Variants in COXFA4 observed in about 807,000 individuals in gnomAD.
The protein encoded by COXFA4 is cytochrome c oxidase associated subunit FA4.
chr7:10,933,165 C>T, the COXFA4 span: 7 of 160,832 alleles, frequency 4.4e-5, no homozygotes, highest in East Asian at 7.4e-4. Context: ...TTGTTAAAAA[C>T]TGCACACACT....
the COXFA4 span, chr7:10,932,163 GC>G: frequency 1.3e-5 from 2 of 152,162 alleles, no homozygotes; most frequent in East Asian, 1.9e-4. Flanking sequence ...GGGAAAGAGT[GC>G]TTTTTGTCTG....
At chr7:10,933,716 T>C in the COXFA4 span, 1 of 1,571,676 alleles carries the variant, frequency 6.4e-7, no homozygotes, top group African/African-American at 1.3e-5. Flanking sequence ...AAAAGATATT[T>C]TAAGTAATCT....
chr7:10,938,152 A>G, the COXFA4 span: 1 of 1,610,960 alleles, frequency 6.2e-7, no homozygotes, highest in African/African-American at 1.3e-5. Context: ...TCCCAACTAA[A>G]AGAAATAAAA....
At chr7:10,933,740 AC>A in the COXFA4 span, 1 of 1,343,278 alleles carries the variant, frequency 7.4e-7, no homozygotes, top group Non-Finnish European at 1.1e-6. Flanking sequence ...ATACACAGAG[AC>A]GGTACAAAGG....
chr7:10,933,827 T>C, the COXFA4 span: 14 of 671,136 alleles, frequency 2.1e-5, no homozygotes, highest in Non-Finnish European at 3.0e-5. Flanking sequence ...TTTAACAACA[T>C]AAAATCATTC....
the COXFA4 span, chr7:10,938,097 TG>T: frequency 6.2e-7 from 1 of 1,613,040 alleles, no homozygotes; most frequent in Non-Finnish European, 8.5e-7. Flanking sequence ...TACCTTGTAT[TG>T]ATCATTGGGA....
the COXFA4 span, chr7:10,932,598 G>A: frequency 6.6e-6 from 1 of 152,184 alleles, no homozygotes; most frequent in Non-Finnish European, 1.5e-5. Context: ...TCTATGATGT[G>A]ATGACTTACA....
the COXFA4 span, chr7:10,939,841 C>T: frequency 1.3e-6 from 1 of 774,970 alleles, no homozygotes; most frequent in Non-Finnish European, 2.3e-6. Context: ...CAATGCATGG[C>T]GTAGAGGGTC....
the COXFA4 span, among the ~76,000 whole-genome samples, chr7:10,936,884 A>G: frequency 5.9e-5 from 9 of 152,084 alleles, no homozygotes; most frequent in Non-Finnish European, 1.2e-4. Flanking sequence ...AAAAACACAA[A>G]AAATCAGCTG....
the COXFA4 span, chr7:10,939,807 TTCC>T: frequency 4.4e-6 from 3 of 676,730 alleles, no homozygotes; most frequent in Non-Finnish European, 7.9e-6. Context: ...GTCCGTCTCC[TTCC>T]TCCTGTCAGA....
the COXFA4 span, chr7:10,938,207 C>T: frequency 7.0e-7 from 1 of 1,420,112 alleles, no homozygotes; most frequent in Non-Finnish European, 9.9e-7. Context: ...GTGTTTTGTA[C>T]TAAGAATACA....
the COXFA4 span, among the ~76,000 whole-genome samples, chr7:10,935,439 C>T: frequency 6.6e-6 from 1 of 152,168 alleles, no homozygotes; most frequent in African/African-American, 2.4e-5. Context: ...TTGGTCCTGT[C>T]TCTTGCTGTT....
At chr7:10,934,882 T>C in the COXFA4 span, among the ~76,000 whole-genome samples, 3 of 152,166 alleles carry the variant, frequency 2.0e-5, no homozygotes, top group Non-Finnish European at 2.9e-5. Flanking sequence ...ACAATTAACC[T>C]AGACAATAAG....
chr7:10,935,934 T>C, the COXFA4 span, among the ~76,000 whole-genome samples: 1 of 152,192 alleles, frequency 6.6e-6, no homozygotes, highest in Non-Finnish European at 1.5e-5. Flanking sequence ...CCCTTACTTG[T>C]CAATTTTGGT....
the COXFA4 span, among the ~76,000 whole-genome samples, chr7:10,936,744 T>C: frequency 2.0e-5 from 3 of 152,146 alleles, no homozygotes; most frequent in African/African-American, 7.2e-5. Flanking sequence ...ATGTTAAAAG[T>C]TGCTATCAGG....
At chr7:10,938,029 C>G in the COXFA4 span, 1 of 1,429,422 alleles carries the variant, frequency 7.0e-7, no homozygotes, top group Admixed American at 1.7e-5. Context: ...GAAAACCCAC[C>G]CCATGACAAA....
chr7:10,938,532 T>A, the COXFA4 span: 1 of 432,898 alleles, frequency 2.3e-6, no homozygotes, highest in East Asian at 4.1e-5. Flanking sequence ...ATGATTATTT[T>A]ATAAAAACAA....
At chr7:10,935,743 A>T in the COXFA4 span, among the ~76,000 whole-genome samples, 2 of 152,214 alleles carry the variant, frequency 1.3e-5, no homozygotes, top group African/African-American at 4.8e-5. Flanking sequence ...CTCCGGACTG[A>T]GGAATAAATT....
the COXFA4 span, chr7:10,940,138 G>C: frequency 9.4e-6 from 13 of 1,384,366 alleles, no homozygotes; most frequent in African/African-American, 8.5e-5. Context: ...TCTGCAATGA[G>C]ACACTACGGA....
Sources: gnomAD v4.1 joint callset for allele counts (sites outside exome capture counted in the v4.1 genomes callset) on GRCh38, gnomAD v4.1.1 for gene constraint, MANE v1.5 for transcripts, NCBI Gene and HGNC (gene_info 2026-07-23, HGNC 2026-07-21) for gene names.